The following SLC25A28 variants were observed in gnomAD, a reference collection of about 807,000 sequenced individuals.
SLC25A28 encodes solute carrier family 25 member 28.
A neutral mutation model predicts 31.9 loss-of-function variants in SLC25A28; 10 were observed. The ratio of observed to expected loss-of-function variants is 0.31; its 90% CI spans 0.19 to 0.53. The LOEUF (loss-of-function observed/expected upper bound fraction) is 0.53. SLC25A28 is among the 20% of genes least tolerant of loss of function. The pLI is 0.95. For synonymous variants in SLC25A28, 208 were observed against 203.6 expected, an observed-to-expected ratio of 1.02 and a Z score of -0.19; for missense variants, 256 against 490.3, an observed-to-expected ratio of 0.52 and a Z score of 4.51.
At chr10:99,643,566 T>C in the SLC25A28 span, among the ~76,000 whole-genome samples, 5,582 of 152,328 alleles carry the variant, frequency 0.037, 155 homozygotes, top group Middle Eastern at 0.16. Flanking sequence ...TCTATCTCCT[T>C]CAGTTCTGCT....
the SLC25A28 span, among the ~76,000 whole-genome samples, chr10:99,645,128 G>A: frequency 6.6e-6 from 1 of 152,126 alleles, no homozygotes; most frequent in Admixed American, 6.5e-5. Context: ...AAGTTCTCCT[G>A]GATAATATCC....
At chr10:99,649,952 C>T in the SLC25A28 span, among the ~76,000 whole-genome samples, 2 of 151,904 alleles carry the variant, frequency 1.3e-5, no homozygotes, top group East Asian at 1.9e-4. Flanking sequence ...ATGATCTAAT[C>T]GTCATTATAT....
chr10:99,620,555 G>C, upstream of SLC25A28: 2 of 1,021,794 alleles, frequency 2.0e-6, no homozygotes, highest in Non-Finnish European at 2.3e-6. Flanking sequence ...GGTAGTATTA[G>C]CGAAGTCGCC....
the SLC25A28 span, among the ~76,000 whole-genome samples, chr10:99,657,984 A>G: frequency 1.9e-4 from 29 of 152,068 alleles, no homozygotes; most frequent in African/African-American, 7.0e-4. Flanking sequence ...CCAGGAGTTC[A>G]AGACCAGCCT....
intron 1 of SLC25A28, chr10:99,616,249 A>C: frequency 1.0e-6 from 1 of 956,312 alleles, no homozygotes; most frequent in South Asian, 4.8e-5. Flanking sequence ...AAAAAGCCTG[A>C]GTCTGAGCCT....
At chr10:99,619,950 G>T in intron 1 of SLC25A28, 95 bp downstream of exon 1, 1 of 1,312,158 alleles carries the variant, frequency 7.6e-7, no homozygotes. Flanking sequence ...AGGAACCCAT[G>T]TCGGCTCCGG....
intron 1 of SLC25A28, chr10:99,617,710 T>C: frequency 2.0e-6 from 2 of 985,462 alleles, no homozygotes; most frequent in Non-Finnish European, 1.2e-6. Context: ...CAAGTGAAAA[T>C]GAGCCTTCTA....
chr10:99,649,905 A>G, the SLC25A28 span, among the ~76,000 whole-genome samples: 1 of 151,736 alleles, frequency 6.6e-6, no homozygotes, highest in Non-Finnish European at 1.5e-5. Context: ...GCAACTTTTC[A>G]TTCATTGATT....
rs1242653333 is a variant in SLC25A28, at chr10:99,613,641, A to G, written c.520+55T>C. On this transcript the variant is annotated intron_variant, in intron 2 of 3. Transcript: ENST00000370495. This position sits in a 1 kb window ranked among gnomAD's most constrained non-coding sequence, Gnocchi z 4.9. ...GCTGAGACTGGAAAGCACTGACAGCAGCAAAGCCCAAAGAGTTGGGAAAGT... is the reference window on the plus strand; with the variant it reads ...GCTGAGACTGGAAAGCACTGACAGCGGCAAAGCCCAAAGAGTTGGGAAAGT... 1 of 1,612,794 alleles carries G rather than the reference A, an allele frequency of 6.2e-7. No homozygotes were observed. The highest frequency in any genetic ancestry group is 8.5e-7 in the Non-Finnish European group (1 of 1,179,462).
chr10:99,658,362 G>A, the SLC25A28 span, among the ~76,000 whole-genome samples: 3 of 152,156 alleles, frequency 2.0e-5, no homozygotes, highest in Non-Finnish European at 4.4e-5. Flanking sequence ...TTATACATTA[G>A]TTGTGTTTTA....
In SLC25A28 at chr10:99,620,397, C is replaced by T. The variant is rs1005653305; in HGVS notation, c.-62G>A. 2 of 1,068,910 alleles carry T rather than the reference C, an allele frequency of 1.9e-6. No homozygotes were observed. Among genetic ancestry groups the T allele is most frequent in the Admixed American group, 5.3e-5 (1 of 18,812 alleles). 66.2% of individuals were successfully genotyped at this position (1,068,910 alleles called of 1,614,324 possible). A position where few individuals can be genotyped will look rare whatever the true frequency, so the allele number is the denominator to read the frequency against. ...GCTGCCACCACTGCCGCCGCCGCCC[C>T]CCGGCCCCGTAGTGTCCGCCTCAGG... On this transcript the variant is annotated 5_prime_UTR_variant, in exon 1 of 4. Coordinates refer to ENST00000370495, the MANE Select transcript of SLC25A28 (RefSeq NM_031212.4).
At chr10:99,629,576 A>T in the SLC25A28 span, among the ~76,000 whole-genome samples, 1 of 152,264 alleles carries the variant, frequency 6.6e-6, no homozygotes, top group African/African-American at 2.4e-5. Context: ...TGCAATGAAT[A>T]TAATTCAACC....
Position 99,613,947 on chromosome 10 carries a change from C to A in SLC25A28, c.292-23G>T. 6.4e-7 allele frequency: 1 copy of A among 1,570,870 alleles called. No individual in the cohort carries two copies. On this transcript the variant is annotated intron_variant, in intron 1 of 3. Transcript: ENST00000370495. The surrounding 1 kb of genome is among the most constrained non-coding windows in gnomAD (Gnocchi z 4.9). ...GGTCTGAAATTACAGCAAGGAGAAG[C>A]GCAATGTCAGCAATGCCAACTTCTC...
the SLC25A28 span, among the ~76,000 whole-genome samples, chr10:99,640,550 G>C: frequency 6.6e-6 from 1 of 152,018 alleles, no homozygotes; most frequent in Non-Finnish European, 1.5e-5. Context: ...ATATTTACGG[G>C]ATACAAGTGC....
At chr10:99,630,082 C>T in the SLC25A28 span, among the ~76,000 whole-genome samples, 2 of 152,106 alleles carry the variant, frequency 1.3e-5, no homozygotes, top group Non-Finnish European at 2.9e-5. Flanking sequence ...TCTTTCCTTC[C>T]TTTCATACCA....
At chr10:99,623,937 A>G (rs958576606), upstream of SLC25A28, among the ~76,000 whole-genome samples, 1 of 152,224 alleles carries the variant, frequency 6.6e-6, no homozygotes, top group African/African-American at 2.4e-5. Context: ...AAACTAGCCC[A>G]GTACTTCTGT....
chr10:99,651,921 T>C, the SLC25A28 span: 4 of 152,158 alleles, frequency 2.6e-5, no homozygotes, highest in African/African-American at 9.7e-5. Flanking sequence ...TATTAAGGTT[T>C]TCTTTTGGTG....
At chr10:99,644,503 T>C in the SLC25A28 span, among the ~76,000 whole-genome samples, 1 of 151,902 alleles carries the variant, frequency 6.6e-6, no homozygotes, top group East Asian at 1.9e-4. Context: ...ACTGACTCCT[T>C]ATGCAATTTG....
At chr10:99,638,250 T>C in the SLC25A28 span, among the ~76,000 whole-genome samples, 1 of 152,148 alleles carries the variant, frequency 6.6e-6, no homozygotes. Context: ...TGTAGGAGAA[T>C]GAAACTGGAT....
Sources: allele counts gnomAD v4.1 joint callset (sites outside exome capture counted in the v4.1 genomes callset), GRCh38; gene constraint gnomAD v4.1.1; non-coding constraint Gnocchi (gnomAD v3.1); transcripts MANE v1.5; gene names NCBI Gene and HGNC (gene_info 2026-07-23, HGNC 2026-07-21).